Variants in NFIA observed in about 807,000 individuals in gnomAD.
NFIA encodes nuclear factor 1 A-type.
NFIA carries 8 observed loss-of-function variants against 62.8 expected under a neutral mutation model. That is an observed-to-expected ratio of 0.13 (90% CI 0.07 to 0.23). NFIA has a LOEUF of 0.23. Ranked by LOEUF, NFIA falls within the 10% of genes least tolerant of loss-of-function variation. The pLI, the probability that NFIA is intolerant of heterozygous loss-of-function variation, is 1.00. For synonymous variants in NFIA, 235 were observed against 238.1 expected (o/e 0.99, Z 0.12); for missense variants, 410 against 642.1 (o/e 0.64, Z 3.91).
In NFIA at chr1:61,457,509, T is replaced by C. The variant is rs1410181114; in HGVS notation, c.*2189T>C. On this transcript the variant is annotated 3_prime_UTR_variant, in exon 11 of 11. Coordinates refer to ENST00000403491, the MANE Select transcript of NFIA (RefSeq NM_001134673.4). The surrounding 1 kb of genome is among the most constrained non-coding windows in gnomAD (Gnocchi z 4.2). ...TCTGTAGATGCTTAGAATATCAGTA[T>C]TTTGGATGTTGCTGCATTTTACAAT... 1 of 152,224 alleles carries C rather than the reference T, an allele frequency of 6.6e-6. No homozygotes were observed. Among genetic ancestry groups the C allele is most frequent in the Non-Finnish European group, 1.5e-5 (1 of 68,040 alleles). The allele number at this position is 152,224 out of a possible 1,614,324, so 9.4% of individuals were successfully genotyped here.
intron 2 of NFIA, among the ~76,000 whole-genome samples, chr1:61,215,464 T>TA (rs35639143): frequency 0.048 from 7,000 of 147,022 alleles, 214 homozygotes; most frequent in Non-Finnish European, 0.071. Context: ...TAGAACTAGT[T>TA]AAAAAAAAAA....
chr1:61,151,778 G>C (rs1648433177), intron 2 of NFIA, among the ~76,000 whole-genome samples: 1 of 152,160 alleles, frequency 6.6e-6, no homozygotes, highest in Non-Finnish European at 1.5e-5. Context: ...CCTAGGCACA[G>C]ATTCCACTGG....
chr1:61,149,330 A>C (rs1165101458), intron 2 of NFIA, among the ~76,000 whole-genome samples: 3 of 152,114 alleles, frequency 2.0e-5, no homozygotes, highest in African/African-American at 7.2e-5. Context: ...GCTTTACAAT[A>C]ATATATTTTT....
chr1:61,265,986 C>T (rs1261666682), intron 2 of NFIA, among the ~76,000 whole-genome samples: 2 of 152,204 alleles, frequency 1.3e-5, no homozygotes, highest in Non-Finnish European at 2.9e-5. Flanking sequence ...GCAAATATCA[C>T]TCAGTGCCTT....
At chr1:61,426,676 TC>T in intron 10 of NFIA, 120 bp downstream of exon 10, 1 of 735,006 alleles carries the variant, frequency 1.4e-6, no homozygotes, top group Non-Finnish European at 2.3e-6. Flanking sequence ...TTCCCTTTCC[TC>T]CTGATCCCAC....
rs547772750 is a variant in NFIA at position 61,277,327 on chromosome 1, AG to A, written c.560-191del. 3.4e-3 allele frequency among the ~76,000 whole-genome samples: 519 copies of A among 152,278 alleles called. 14 individuals are homozygous for A. Among genetic ancestry groups the A allele is most frequent in the Non-Finnish European group, 4.9e-4 (33 of 68,014 alleles). The stretch of plus-strand genomic sequence containing the variant: ...CCGCAAACCGGAGCGTCCTCTCTAA[AG>A]GCACAGGCTGCTGCTGCATTTCCCT... On this transcript the variant is annotated intron_variant, in intron 2 of 10. Transcript: ENST00000403491.
intron 2 of NFIA, among the ~76,000 whole-genome samples, chr1:61,204,061 C>A (rs530272256): frequency 6.6e-6 from 1 of 152,156 alleles, no homozygotes; most frequent in Non-Finnish European, 1.5e-5. Context: ...CTGTAAATTC[C>A]GTGGGATGTA....
At chr1:61,405,684 A>G (rs7535730) in intron 8 of NFIA, among the ~76,000 whole-genome samples, 31,111 of 152,168 alleles carry the variant, frequency 0.2, 3,190 homozygotes, top group South Asian at 0.3. Flanking sequence ...GACACCCTAT[A>G]TAACTGTCAA....
intron 7 of NFIA, among the ~76,000 whole-genome samples, chr1:61,392,175 A>T (rs1416491236): frequency 1.3e-5 from 2 of 151,992 alleles, no homozygotes; most frequent in African/African-American, 2.4e-5. Flanking sequence ...AGCGTTGTGG[A>T]TGGGATTTGA....
At chr1:61,244,818 C>T (rs1424559729) in intron 2 of NFIA, among the ~76,000 whole-genome samples, 2 of 152,102 alleles carry the variant, frequency 1.3e-5, no homozygotes, top group African/African-American at 2.4e-5. Context: ...CACATAAATG[C>T]GTTTTCTACG....
chr1:61,393,674 C>T (rs1401910716), intron 7 of NFIA, among the ~76,000 whole-genome samples: 1 of 152,100 alleles, frequency 6.6e-6, no homozygotes, highest in Non-Finnish European at 1.5e-5. Context: ...TAGGCTGAGG[C>T]TGAGGGACAG....
At chr1:61,364,520 A>T (rs1271340797) in intron 6 of NFIA, among the ~76,000 whole-genome samples, 1 of 152,204 alleles carries the variant, frequency 6.6e-6, no homozygotes, top group East Asian at 1.9e-4. Flanking sequence ...AGTCAAATCC[A>T]ATTACTAGCA....
Position 61,455,496 on chromosome 1 carries a change from G to A in NFIA, c.*176G>A, listed in dbSNP as rs1569928949. The A allele has an allele frequency of 1.0e-6, 1 of 991,750 alleles. No homozygotes were observed. Among genetic ancestry groups the A allele is most frequent in the Non-Finnish European group, 1.5e-6 (1 of 663,410 alleles). The allele number at this position is 991,750 out of a possible 1,614,324, so 61.4% of individuals were successfully genotyped here. A position where few individuals can be genotyped will look rare whatever the true frequency, so the allele number is the denominator to read the frequency against. On this transcript the variant is annotated 3_prime_UTR_variant, in exon 11 of 11. Transcript: ENST00000403491. ...GCAAGCATTATGGTCAAACAGCAAA[G>A]GCCATAACCTTTTGGGATTTTTTTT...
intron 2 of NFIA, among the ~76,000 whole-genome samples, chr1:61,163,602 T>C (rs1649364301): frequency 6.6e-6 from 1 of 152,170 alleles, no homozygotes; most frequent in African/African-American, 2.4e-5. Context: ...CCTGGTGGTG[T>C]GCTATGGAAG....
intron 2 of NFIA, among the ~76,000 whole-genome samples, chr1:61,256,516 C>T (rs1159059905): frequency 6.6e-6 from 1 of 151,392 alleles, no homozygotes; most frequent in African/African-American, 2.4e-5. Context: ...CAAAGCTGTC[C>T]TGGGCTGCAT....
chr1:61,255,479 T>G (rs1656323955), intron 2 of NFIA, among the ~76,000 whole-genome samples: 1 of 152,208 alleles, frequency 6.6e-6, no homozygotes, highest in Admixed American at 6.5e-5. Flanking sequence ...AAATGGGGCA[T>G]AAGTCCGAAT....
chr1:61,407,507 T>C (rs1343914328), intron 9 of NFIA, among the ~76,000 whole-genome samples: 1 of 152,248 alleles, frequency 6.6e-6, no homozygotes, highest in African/African-American at 2.4e-5. Context: ...ATAGTTTGAA[T>C]GCACAAATGT....
In NFIA at chr1:61,406,542, T is replaced by TTGGGGGGG; in HGVS notation, c.1255-20_1255-19insTGGGGGGG. The TTGGGGGGG allele has an allele frequency of 3.4e-5, 43 of 1,253,752 alleles. No individual in the cohort carries two copies. Among genetic ancestry groups the TTGGGGGGG allele is most frequent in the East Asian group, 9.2e-5 (3 of 32,728 alleles). 77.7% of individuals were successfully genotyped at this position (1,253,752 alleles called of 1,614,324 possible). A position where few individuals can be genotyped will look rare whatever the true frequency, so the allele number is the denominator to read the frequency against. ...TTCTTTTTCTTGTACGTGTGTTTTCTGCCCCCCCCCCCCCCACAGCCCAAT... is the reference window on the plus strand; with the variant it reads ...TTCTTTTTCTTGTACGTGTGTTTTCTTGGGGGGGGCCCCCCCCCCCCCCACAGCCCAAT... On this transcript the variant is annotated intron_variant, in intron 8 of 10. Transcript: ENST00000403491.
intron 2 of NFIA, among the ~76,000 whole-genome samples, chr1:61,128,915 GTTTTTTTTTTTTTT>G (rs10635152): frequency 1.3e-5 from 1 of 74,124 alleles, no homozygotes; most frequent in South Asian, 6.6e-4. Context: ...GCTTACTTAT[GTTTTTTTTTTTTTT>G]TTTTTTTTTT....
Sources: gnomAD v4.1 joint callset for allele counts (sites outside exome capture counted in the v4.1 genomes callset) on GRCh38, gnomAD v4.1.1 for gene constraint, Gnocchi (gnomAD v3.1) non-coding constraint, MANE v1.5 for transcripts, NCBI Gene and HGNC (gene_info 2026-07-23, HGNC 2026-07-21) for gene names.